ZNF705G: variants seen among roughly 807,000 people sequenced by gnomAD.
The protein encoded by ZNF705G is putative zinc finger protein 705G.
In ZNF705G, 23 loss-of-function variants were observed where a neutral mutation model predicts 19.6. That is an observed-to-expected ratio of 1.17 (90% CI 0.84 to 1.66). The LOEUF (loss-of-function observed/expected upper bound fraction) is 1.66. ZNF705G is among the 40% of genes most tolerant of loss of function. The probability of loss-of-function intolerance (pLI) is 0.00; values close to 1 mark genes in which losing one functional copy is unlikely to be tolerated. For missense variants in ZNF705G, 457 were observed against 354.4 expected, an observed-to-expected ratio of 1.29 and a Z score of -2.32; for synonymous variants, 146 against 117.7, an observed-to-expected ratio of 1.24 and a Z score of -1.56.
intron 1 of ZNF705G, among the ~76,000 whole-genome samples, chr8:7,382,284 T>A (rs1807533523): frequency 6.8e-6 from 1 of 148,120 alleles, no homozygotes; most frequent in Non-Finnish European, 1.5e-5. Context: ...AACCTGAGAA[T>A]GTTCCATCTA....
At chr8:7,361,085 T>A in intron 4 of ZNF705G, 25 bp downstream of exon 4, 1 of 1,592,858 alleles carries the variant, frequency 6.3e-7, no homozygotes, top group South Asian at 1.1e-5. Flanking sequence ...TCTCTACATA[T>A]GTACATGAAT....
At position 7,357,606 on chromosome 8, in the gene ZNF705G, T is replaced by C; in HGVS notation, c.*370A>G. ...GACAGTTTCAGCTCTCTCATGTCAC[T>C]TATGCTCAGATCACTAACAAGTCTT... On this transcript the variant is annotated 3_prime_UTR_variant, in exon 7 of 7. Coordinates refer to ENST00000400156, the MANE Select transcript of ZNF705G (RefSeq NM_001164457.3). 1 of 374,798 alleles carries C rather than the reference T, an allele frequency of 2.7e-6. No individual in the cohort carries two copies. The highest frequency in any genetic ancestry group is 3.6e-5 in the South Asian group (1 of 27,592). 23.2% of individuals were successfully genotyped at this position (374,798 alleles called of 1,614,324 possible).
At chr8:7,384,342 C>G (rs1312770205) in intron 1 of ZNF705G, among the ~76,000 whole-genome samples, 3 of 145,574 alleles carry the variant, frequency 2.1e-5, no homozygotes, top group Admixed American at 6.6e-5. Context: ...AATACCTATC[C>G]ACACAGAGTT....
At chr8:7,367,866 T>C (rs1175998255) in intron 2 of ZNF705G, among the ~76,000 whole-genome samples, 4 of 149,844 alleles carry the variant, frequency 2.7e-5, no homozygotes, top group African/African-American at 7.7e-5. Context: ...TGCCAGTAAC[T>C]GGAATCTCTT....
Position 7,355,643 on chromosome 8 carries a change from T to TA in ZNF705G, c.*2332dup, listed in dbSNP as rs1316244355. 2 of 149,744 alleles carry TA rather than the reference T, an allele frequency of 1.3e-5. No individual in the cohort carries two copies. The highest frequency in any genetic ancestry group is 2.1e-4 in the South Asian group (1 of 4,770). 9.3% of individuals were successfully genotyped at this position (149,744 alleles called of 1,614,324 possible). On this transcript the variant is annotated 3_prime_UTR_variant, in exon 7 of 7. Coordinates refer to ENST00000400156, the MANE Select transcript of ZNF705G (RefSeq NM_001164457.3). ...CTTGAATAAGAGAAGCATTCTGTGT[T>TA]ACGCTTTAATAATGGCTGGAGATCT...
At chr8:7,360,426 A>T (rs533270198) in intron 4 of ZNF705G, 94 bp from the exon 5 acceptor site, 6 of 1,565,668 alleles carry the variant, frequency 3.8e-6, no homozygotes, top group Non-Finnish European at 4.3e-6. Flanking sequence ...AAGAATAAAA[A>T]CAGTGAAGGT....
intron 2 of ZNF705G, among the ~76,000 whole-genome samples, chr8:7,368,166 T>C (rs1311703433): frequency 4.7e-5 from 7 of 149,522 alleles, no homozygotes; most frequent in African/African-American, 7.7e-5. Context: ...AGACACTGAA[T>C]CTAATCAAAA....
intron 4 of ZNF705G, 92 bp downstream of exon 4, chr8:7,361,018 T>C (rs1423372787): frequency 8.3e-5 from 132 of 1,585,528 alleles, no homozygotes; most frequent in Non-Finnish European, 1.1e-4. Context: ...AGAGAAGAGA[T>C]TAGAGTGAGA....
At chr8:7,366,417 A>T (rs1314706989) in intron 2 of ZNF705G, among the ~76,000 whole-genome samples, 1 of 149,632 alleles carries the variant, frequency 6.7e-6, no homozygotes, top group Non-Finnish European at 1.5e-5. Flanking sequence ...AGAGAGGAAA[A>T]ATCTCACATT....
chr8:7,359,574 A>G (rs1326371912), intron 6 of ZNF705G, 45 bp downstream of exon 6: 3 of 1,602,462 alleles, frequency 1.9e-6, no homozygotes, highest in East Asian at 2.2e-5. Context: ...ATCCATTAAC[A>G]TGTCTTTAAC....
chr8:7,363,118 T>A, intron 2 of ZNF705G, 101 bp from the exon 3 acceptor site: 2 of 1,455,546 alleles, frequency 1.4e-6, no homozygotes, highest in East Asian at 2.3e-5. Flanking sequence ...TGACACCAGC[T>A]GCACCACAGC....
chr8:7,363,921 C>T (rs1218289276), intron 2 of ZNF705G, among the ~76,000 whole-genome samples: 2 of 149,548 alleles, frequency 1.3e-5, no homozygotes, highest in Non-Finnish European at 2.9e-5. Flanking sequence ...CTTAAAATCT[C>T]CTGCATCAGA....
In ZNF705G at chr8:7,357,081, C is replaced by T. The variant is rs554337304; in HGVS notation, c.*895G>A. On this transcript the variant is annotated 3_prime_UTR_variant, in exon 7 of 7. Coordinates refer to ENST00000400156, the MANE Select transcript of ZNF705G (RefSeq NM_001164457.3). ...CAGTGATTTTCAAGTTTGATAGCTCCTCAATGTGAGAAACTCAATGTCAAC... is the reference window on the plus strand; with the variant it reads ...CAGTGATTTTCAAGTTTGATAGCTCTTCAATGTGAGAAACTCAATGTCAAC... 1.6e-4 allele frequency: 24 copies of T among 150,076 alleles called. 3 individuals are homozygous for T. Among genetic ancestry groups the T allele is most frequent in the African/African-American group, 6.1e-4 (24 of 39,210 alleles). 9.3% of individuals were successfully genotyped at this position (150,076 alleles called of 1,614,324 possible).
chr8:7,359,097 T>A (rs1402524315), intron 6 of ZNF705G, among the ~76,000 whole-genome samples: 1 of 149,656 alleles, frequency 6.7e-6, no homozygotes, highest in Admixed American at 6.6e-5. Context: ...ATGACTATTT[T>A]TTCTACCCAC....
chr8:7,368,920 G>A lies in ZNF705G; in HGVS notation c.-71-5903C>T, dbSNP rs192657017. ...AAACCTGCAGGTGCACAAGGTACAG[G>A]AGTACACTGCTGATAAAGGTATACC... On this transcript the variant is annotated intron_variant, in intron 2 of 6. Transcript: ENST00000400156. Among the ~76,000 whole-genome samples the A allele has an allele frequency of 8.0e-5, 12 of 149,750 alleles. 1 individual carries two copies. The highest frequency in any genetic ancestry group is 1.5e-4 in the Non-Finnish European group (10 of 68,026).
intron 1 of ZNF705G, among the ~76,000 whole-genome samples, chr8:7,383,007 C>G (rs1408328053): frequency 7.1e-6 from 1 of 141,478 alleles, no homozygotes; most frequent in Non-Finnish European, 1.5e-5. Flanking sequence ...ACCCTAGCTC[C>G]CACTTATAAA....
rs535483705 is a variant in ZNF705G at position 7,379,767 on chromosome 8, G to A, written c.-72+1685C>T. The stretch of plus-strand genomic sequence containing the variant: ...CTCGCAGGCCCTGAGACTGCTATAG[G>A]GAGCTGCCTGGAGTCTAGGTGATGG... On this transcript the variant is annotated intron_variant, in intron 2 of 6. Transcript: ENST00000400156. 3.4e-5 allele frequency among the ~76,000 whole-genome samples: 5 copies of A among 147,294 alleles called. No homozygotes were observed. In the East Asian group the frequency reaches 7.7e-4, roughly 23 times the overall value.
At position 7,358,132 on chromosome 8, in the gene ZNF705G, A is replaced by G; in HGVS notation, c.747T>C (p.Thr249=). 8.1e-6 allele frequency: 13 copies of G among 1,607,576 alleles called. 1 individual carries two copies. The highest frequency in any genetic ancestry group is 1.1e-5 in the Non-Finnish European group (13 of 1,179,664). The part of the protein sequence containing the change: ...QSFNLQRHER[T]HLGKKCYECD... ...ATTCATAACACTTTTTTCCAAGGTG[A>G]GTTCTCTCATGTCTTTGAAGGTTAA... The change falls in exon 7 of 7, where the codon ACT becomes ACC. Residue 249 remains threonine (T), a synonymous_variant. Transcript: ENST00000400156.
chr8:7,360,464 A>G (rs1234556139), intron 4 of ZNF705G, 132 bp from the exon 5 acceptor site: 30 of 1,397,108 alleles, frequency 2.1e-5, no homozygotes, highest in Non-Finnish European at 2.8e-5. Flanking sequence ...CCTAGAACAC[A>G]GAAAACTCCC....
Sources: gnomAD v4.1 joint callset for allele counts (sites outside exome capture counted in the v4.1 genomes callset) on GRCh38, gnomAD v4.1.1 for gene constraint, MANE v1.5 for transcripts, NCBI Gene and HGNC (gene_info 2026-07-23, HGNC 2026-07-21) for gene names.